DCLK1: variants seen among roughly 807,000 people sequenced by gnomAD.
The protein encoded by DCLK1 is serine/threonine-protein kinase DCLK1.
Under a neutral mutation model 86.2 loss-of-function variants are expected in DCLK1, and 16 were observed. The observed-to-expected ratio is 0.19, with a 90% confidence interval of 0.13 to 0.28. The LOEUF is 0.28. Among genes scored for constraint, DCLK1 ranks in the 10% least tolerant of loss-of-function variants. The pLI is 1.00. For missense variants in DCLK1, 590 were observed against 940.2 expected (o/e 0.63, Z 4.87); for synonymous variants, 369 against 370.5 (o/e 1.00, Z 0.05).
intron 10 of DCLK1, among the ~76,000 whole-genome samples, chr13:35,826,504 C>A (rs1295378941): frequency 1.3e-5 from 1 of 77,754 alleles, no homozygotes; most frequent in Non-Finnish European, 2.4e-5. Context: ...GCCTGGGCAG[C>A]AAGAGCAAAA....
rs2086284550 is a variant in DCLK1 at position 35,769,184 on chromosome 13, T to G, written c.*5351A>C. ...TCCACCTTTAATTAAGGACACAAAT[T>G]GTTTGAAAGTTATTTCATTAGGATT... On this transcript the variant is annotated 3_prime_UTR_variant, in exon 17 of 17. Transcript: ENST00000360631. 6.6e-6 allele frequency: 1 copy of G among 152,160 alleles called. No homozygotes were observed. Among genetic ancestry groups the G allele is most frequent in the African/African-American group, 2.4e-5 (1 of 41,408 alleles). The allele number at this position is 152,160 out of a possible 1,614,324, so 9.4% of individuals were successfully genotyped here.
chr13:36,072,345 A>G (rs7992343), intron 3 of DCLK1, among the ~76,000 whole-genome samples: 65,447 of 151,992 alleles, frequency 0.43, 14,099 homozygotes, highest in East Asian at 0.53. Context: ...AGTTCTTTAT[A>G]CGGGTGCCCT....
chr13:35,992,021 A>G lies in DCLK1; in HGVS notation c.724-44564T>C, dbSNP rs569036101. ...ATTATAAAAATTATGTTTTATGATT[A>G]CCCTGGCTCAGTAGATTTTGGTTTA... On this transcript the variant is annotated intron_variant, in intron 3 of 16. Transcript: ENST00000360631. Among the ~76,000 whole-genome samples, 17 of 152,344 alleles carry G rather than the reference A, an allele frequency of 1.1e-4. No individual in the cohort carries two copies. The South Asian group carries it at 1.7e-3, about 15-fold the overall frequency.
chr13:35,790,907 T>C (rs2086697805), intron 16 of DCLK1, among the ~76,000 whole-genome samples: 1 of 152,098 alleles, frequency 6.6e-6, no homozygotes, highest in South Asian at 2.1e-4. Flanking sequence ...AATGAAAAAA[T>C]GGTTATGCAA....
chr13:35,921,722 G>T (rs932707420), intron 4 of DCLK1, among the ~76,000 whole-genome samples: 1 of 152,148 alleles, frequency 6.6e-6, no homozygotes, highest in African/African-American at 2.4e-5. Flanking sequence ...GGAATGAAGA[G>T]CGCTAAAGAA....
At chr13:35,777,536 T>C (rs928003209) in intron 16 of DCLK1, among the ~76,000 whole-genome samples, 7 of 152,188 alleles carry the variant, frequency 4.6e-5, no homozygotes, top group South Asian at 2.1e-4. Flanking sequence ...GGGAAAGACA[T>C]TGGCCACAGG....
intron 4 of DCLK1, among the ~76,000 whole-genome samples, chr13:35,923,902 A>G (rs1875949537): frequency 6.6e-6 from 1 of 152,162 alleles, no homozygotes; most frequent in African/African-American, 2.4e-5. Flanking sequence ...AAGAAGCAGA[A>G]CAAATGCACA....
chr13:35,871,191 G>A (rs1405043242), intron 5 of DCLK1, 33 bp downstream of exon 5: 1 of 1,568,064 alleles, frequency 6.4e-7, no homozygotes, highest in East Asian at 2.2e-5. Flanking sequence ...CAGGAACAAG[G>A]CAATTTCTTC....
chr13:36,125,218 C>T (rs1886127125), intron 2 of DCLK1, among the ~76,000 whole-genome samples: 1 of 152,156 alleles, frequency 6.6e-6, no homozygotes, highest in Non-Finnish European at 1.5e-5. Flanking sequence ...CGCAGTGGAA[C>T]GAGCTGTCAG....
At chr13:35,787,971 G>A in intron 16 of DCLK1, 2 of 504,686 alleles carry the variant, frequency 4.0e-6, no homozygotes, top group Non-Finnish European at 7.2e-6. Flanking sequence ...TAACCATAAG[G>A]AAAATTGATA....
intron 4 of DCLK1, among the ~76,000 whole-genome samples, chr13:35,907,242 T>C (rs1459789380): frequency 6.6e-6 from 1 of 152,188 alleles, no homozygotes; most frequent in Non-Finnish European, 1.5e-5. Flanking sequence ...GGCTCACTGC[T>C]CACTTGACCT....
chr13:35,924,124 G>A (rs1366104896), intron 4 of DCLK1, among the ~76,000 whole-genome samples: 1 of 152,132 alleles, frequency 6.6e-6, no homozygotes, highest in African/African-American at 2.4e-5. Flanking sequence ...ACCTGTCCAT[G>A]ACTTCTTCCC....
intron 3 of DCLK1, 84 bp downstream of exon 3, chr13:36,111,785 A>G (rs77577824): frequency 0.033 from 43,197 of 1,293,984 alleles, 843 homozygotes; most frequent in South Asian, 0.064. Context: ...CAACTTGAGC[A>G]AAATGTATGC....
intron 4 of DCLK1, among the ~76,000 whole-genome samples, chr13:35,920,625 G>A (rs1399819344): frequency 6.6e-6 from 1 of 152,106 alleles, no homozygotes. Flanking sequence ...GACCATGGAG[G>A]ACAAGAAGGG....
chr13:35,791,002 C>T (rs554710589), intron 16 of DCLK1, among the ~76,000 whole-genome samples: 2 of 152,270 alleles, frequency 1.3e-5, no homozygotes, highest in African/African-American at 4.8e-5. Flanking sequence ...CAGCCCCACC[C>T]TTTGGTTACT....
intron 15 of DCLK1, among the ~76,000 whole-genome samples, chr13:35,795,942 A>AC (rs2086800541): frequency 6.6e-6 from 1 of 151,690 alleles, no homozygotes; most frequent in South Asian, 2.1e-4. Context: ...AAAAAAAAAA[A>AC]AACCAACAAC....
intron 3 of DCLK1, among the ~76,000 whole-genome samples, chr13:36,053,576 CAT>C (rs1883197528): frequency 6.6e-6 from 1 of 151,692 alleles, no homozygotes; most frequent in Admixed American, 6.6e-5. Flanking sequence ...AGAAAGGAGA[CAT>C]AGACAAGTGT....
chr13:36,090,615 G>A (rs1289096510), intron 3 of DCLK1, among the ~76,000 whole-genome samples: 1 of 152,206 alleles, frequency 6.6e-6, no homozygotes, highest in African/African-American at 2.4e-5. Flanking sequence ...AGGAAGCAAA[G>A]AGATCAGCTA....
At chr13:35,786,470 T>C (rs913364227) in intron 16 of DCLK1, among the ~76,000 whole-genome samples, 4 of 152,196 alleles carry the variant, frequency 2.6e-5, no homozygotes, top group African/African-American at 9.7e-5. Context: ...AGCTAATTAA[T>C]GTGGCTGGAC....
Sources: allele counts gnomAD v4.1 joint callset (sites outside exome capture counted in the v4.1 genomes callset), GRCh38; gene constraint gnomAD v4.1.1; transcripts MANE v1.5; gene names NCBI Gene and HGNC (gene_info 2026-07-23, HGNC 2026-07-21).